Variants in ANK2 observed in about 807,000 individuals in gnomAD.
The protein encoded by ANK2 is ankyrin 2.
Under a neutral mutation model 360.5 loss-of-function variants are expected in ANK2, and 83 were observed. The ratio of observed to expected loss-of-function variants is 0.23; its 90% CI spans 0.19 to 0.28. The LOEUF (loss-of-function observed/expected upper bound fraction) is 0.28. ANK2 is among the 10% of genes least tolerant of loss of function. ANK2 has a pLI of 1.00. For synonymous variants in ANK2, 1,740 were observed against 1,759.5 expected, an observed-to-expected ratio of 0.99 and a Z score of 0.28; for missense variants, 4,201 against 4,795.7, an observed-to-expected ratio of 0.88 and a Z score of 3.66.
the ANK2 span, among the ~76,000 whole-genome samples, chr4:112,795,589 T>A: frequency 1.4e-4 from 21 of 152,100 alleles, no homozygotes; most frequent in South Asian, 4.4e-3. Context: ...CTGCAACCTC[T>A]GCCTCCTGGG....
At chr4:113,005,765 C>T (rs2052614787) in intron 2 of ANK2, among the ~76,000 whole-genome samples, 1 of 152,034 alleles carries the variant, frequency 6.6e-6, no homozygotes, top group Non-Finnish European at 1.5e-5. Flanking sequence ...TAGTGGGAGG[C>T]ATTTGGGTCG....
intron 1 of ANK2, among the ~76,000 whole-genome samples, chr4:113,156,371 C>CTTTTTTTTTTTTT (rs150536846): frequency 0.011 from 1,368 of 128,214 alleles, 73 homozygotes; most frequent in African/African-American, 0.036. Context: ...TAGAAAAATT[C>CTTTTTTTTTTTTT]TTTTTTTTTT....
chr4:112,715,643 C>T, the ANK2 span, among the ~76,000 whole-genome samples: 1 of 152,190 alleles, frequency 6.6e-6, no homozygotes, highest in African/African-American at 2.4e-5. Context: ...TGTTTACCTT[C>T]CTTTTGATTG....
intron 2 of ANK2, among the ~76,000 whole-genome samples, chr4:113,009,518 T>C (rs1212161074): frequency 6.6e-6 from 1 of 152,136 alleles, no homozygotes; most frequent in Non-Finnish European, 1.5e-5. Context: ...TGTCTGGAGA[T>C]TGGAGAAAAA....
chr4:113,053,265 A>G (rs2067977645), intron 1 of ANK2, among the ~76,000 whole-genome samples: 1 of 152,176 alleles, frequency 6.6e-6, no homozygotes, highest in South Asian at 2.1e-4. Context: ...CTTTGGAGAG[A>G]GAGAGAAAGA....
chr4:112,744,770 G>T, the ANK2 span, among the ~76,000 whole-genome samples: 2 of 152,238 alleles, frequency 1.3e-5, no homozygotes, highest in African/African-American at 4.8e-5. Context: ...TACAGAATAT[G>T]AGAGTACCTG....
intron 1 of ANK2, among the ~76,000 whole-genome samples, chr4:113,159,362 T>G (rs1054655226): frequency 1.3e-5 from 2 of 152,140 alleles, no homozygotes; most frequent in Non-Finnish European, 2.9e-5. Flanking sequence ...AACTTTCTCC[T>G]TCGTATCTTG....
At chr4:112,751,227 C>T in the ANK2 span, among the ~76,000 whole-genome samples, 1 of 152,110 alleles carries the variant, frequency 6.6e-6, no homozygotes, top group East Asian at 1.9e-4. Context: ...GGTGACCAGG[C>T]TTGCAATGTG....
chr4:113,372,700 T>C (rs1212015076), intron 43 of ANK2: 2 of 1,075,646 alleles, frequency 1.9e-6, no homozygotes, highest in Non-Finnish European at 2.7e-6. Context: ...CCTGGATCAA[T>C]GAAGGCTTGG....
the ANK2 span, among the ~76,000 whole-genome samples, chr4:112,719,909 T>A: frequency 6.6e-6 from 1 of 152,094 alleles, no homozygotes; most frequent in East Asian, 1.9e-4. Flanking sequence ...GCATACGGCA[T>A]TTTAGGCATT....
intron 1 of ANK2, chr4:112,827,331 TG>T (rs2058626027): frequency 8.4e-7 from 1 of 1,196,812 alleles, no homozygotes; most frequent in African/African-American, 1.5e-5. Context: ...AGAAAGCCAA[TG>T]AGTTACAGCA....
intron 4 of ANK2, among the ~76,000 whole-genome samples, chr4:113,213,440 C>G (rs1045390516): frequency 1.3e-5 from 2 of 152,112 alleles, no homozygotes; most frequent in African/African-American, 4.8e-5. Flanking sequence ...CATGCAACAC[C>G]TGCTATTTGG....
chr4:113,122,437 A>G (rs1233304503), intron 1 of ANK2, among the ~76,000 whole-genome samples: 1 of 152,174 alleles, frequency 6.6e-6, no homozygotes, highest in African/African-American at 2.4e-5. Flanking sequence ...GGCACTGTAT[A>G]ATGTGTTACA....
At chr4:112,767,476 G>A in the ANK2 span, among the ~76,000 whole-genome samples, 2 of 151,950 alleles carry the variant, frequency 1.3e-5, no homozygotes, top group African/African-American at 4.8e-5. Context: ...CAGGAGAATC[G>A]CTTGAATGCA....
At chr4:113,225,124 A>G (rs1460522463) in intron 4 of ANK2, among the ~76,000 whole-genome samples, 1 of 152,188 alleles carries the variant, frequency 6.6e-6, no homozygotes, top group Non-Finnish European at 1.5e-5. Context: ...AATAAAGAAC[A>G]TTCCACTTTC....
chr4:112,785,271 G>T, the ANK2 span, among the ~76,000 whole-genome samples: 7 of 152,314 alleles, frequency 4.6e-5, no homozygotes, highest in Admixed American at 4.6e-4. Context: ...GTGTGCCTCA[G>T]TTTGGATTAT....
At chr4:113,338,788 A>T (rs2093901929) in intron 31 of ANK2, among the ~76,000 whole-genome samples, 1 of 151,680 alleles carries the variant, frequency 6.6e-6, no homozygotes, top group Non-Finnish European at 1.5e-5. Context: ...TGACCTTGTG[A>T]CCCGCCCACC....
intron 1 of ANK2, among the ~76,000 whole-genome samples, chr4:113,110,121 C>T (rs944331937): frequency 2.0e-5 from 3 of 152,114 alleles, no homozygotes; most frequent in Admixed American, 1.3e-4. Flanking sequence ...TTAATGGACT[C>T]ACAGTTCCAA....
chr4:113,286,985 G>A (rs1405108333), intron 18 of ANK2, among the ~76,000 whole-genome samples: 1 of 151,932 alleles, frequency 6.6e-6, no homozygotes, highest in Admixed American at 6.6e-5. Flanking sequence ...TACCTTAATT[G>A]GATATTCAAA....
Sources: gnomAD v4.1 joint callset for allele counts (sites outside exome capture counted in the v4.1 genomes callset) on GRCh38, gnomAD v4.1.1 for gene constraint, MANE v1.5 for transcripts, NCBI Gene and HGNC (gene_info 2026-07-23, HGNC 2026-07-21) for gene names.